REEP5: variants seen among roughly 807,000 people sequenced by gnomAD.
The protein encoded by REEP5 is receptor accessory protein 5.
Under a neutral mutation model 22.4 loss-of-function variants are expected in REEP5, and 24 were observed. That is an observed-to-expected ratio of 1.07 (90% CI 0.78 to 1.51). REEP5 has a LOEUF of 1.51. REEP5 is among the 40% of genes most tolerant of loss of function. The pLI, the probability that REEP5 is intolerant of heterozygous loss-of-function variation, is 0.00. For synonymous variants in REEP5, 103 were observed against 88.6 expected, an observed-to-expected ratio of 1.16 and a Z score of -0.92; for missense variants, 252 against 233.0, an observed-to-expected ratio of 1.08 and a Z score of -0.53.
chr5:112,897,350 ATCACACACACACACACACACACAC>A (rs1251970283), intron 3 of REEP5: 4 of 129,446 alleles, frequency 3.1e-5, no homozygotes, highest in African/African-American at 7.7e-5. Flanking sequence ...AACACATCCC[ATCACACACACACACACACACACAC>A]ACACACACAC....
intron 2 of REEP5, among the ~76,000 whole-genome samples, chr5:112,913,442 G>A (rs895244449): frequency 6.6e-6 from 1 of 150,852 alleles, no homozygotes; most frequent in African/African-American, 2.4e-5. Flanking sequence ...AGAGGCAGTG[G>A]AGTGAGAATA....
chr5:112,892,426 G>C, intron 3 of REEP5: 1 of 1,614,078 alleles, frequency 6.2e-7, no homozygotes, highest in Non-Finnish European at 8.5e-7. Flanking sequence ...TCAGTTCAAG[G>C]TCAGCTGCAA....
At chr5:112,884,494 C>T (rs1407601161) in intron 4 of REEP5, among the ~76,000 whole-genome samples, 2 of 151,044 alleles carry the variant, frequency 1.3e-5, no homozygotes, top group Non-Finnish European at 2.9e-5. Context: ...CCTCCTGCCT[C>T]AGCCTCCTGA....
At chr5:112,879,930 T>A (rs1474378259) in intron 4 of REEP5, among the ~76,000 whole-genome samples, 2 of 151,956 alleles carry the variant, frequency 1.3e-5, no homozygotes, top group African/African-American at 2.4e-5. Context: ...ACCTCTATTT[T>A]AAAAAAATTT....
chr5:112,901,270 A>G (rs745643510), intron 3 of REEP5, among the ~76,000 whole-genome samples: 4 of 152,226 alleles, frequency 2.6e-5, no homozygotes, highest in African/African-American at 4.8e-5. Flanking sequence ...AGAAAATATT[A>G]GCAATATGAA....
At chr5:112,899,537 A>G (rs1454689243) in intron 3 of REEP5, among the ~76,000 whole-genome samples, 1 of 152,224 alleles carries the variant, frequency 6.6e-6, no homozygotes, top group Non-Finnish European at 1.5e-5. Flanking sequence ...TGGATATACT[A>G]TTAATTGAAT....
intron 3 of REEP5, among the ~76,000 whole-genome samples, chr5:112,890,156 T>C (rs1768390631): frequency 6.7e-6 from 1 of 150,130 alleles, no homozygotes; most frequent in Non-Finnish European, 1.5e-5. Flanking sequence ...TTAGCCAGGC[T>C]TGGTGATGTA....
chr5:112,910,522 T>G (rs188982859), intron 2 of REEP5, among the ~76,000 whole-genome samples: 2 of 152,362 alleles, frequency 1.3e-5, no homozygotes, highest in East Asian at 3.9e-4. Flanking sequence ...TACCAGATTT[T>G]TAAAACTATT....
chr5:112,895,248 A>AAAAAAAAAAAAAAAAAAC (rs1768647035), intron 3 of REEP5: 1 of 147,100 alleles, frequency 6.8e-6, no homozygotes, highest in Non-Finnish European at 1.5e-5. Flanking sequence ...AAAAAAAAAA[A>AAAAAAAAAAAAAAAAAAC]AAAAAAAAAA....
chr5:112,885,577 G>T, intron 4 of REEP5: 1 of 257,240 alleles, frequency 3.9e-6, no homozygotes, highest in South Asian at 6.2e-5. Flanking sequence ...TATCCTGTTG[G>T]GCATTCTGGA....
At chr5:112,917,810 T>G (rs1030053307) in intron 2 of REEP5, among the ~76,000 whole-genome samples, 11 of 152,154 alleles carry the variant, frequency 7.2e-5, no homozygotes, top group Non-Finnish European at 1.3e-4. Flanking sequence ...GGCAAACTCA[T>G]AGAAACAGAA....
chr5:112,917,436 A>C (rs153561), intron 2 of REEP5, among the ~76,000 whole-genome samples: 3 of 152,064 alleles, frequency 2.0e-5, no homozygotes. Flanking sequence ...GTGGCAGCCC[A>C]AGTCTTAAGG....
At position 112,892,238 on chromosome 5, in the gene REEP5, C is replaced by T. The variant is rs1444741251; in HGVS notation, c.352-5055G>A. On this transcript the variant is annotated intron_variant, in intron 3 of 4. Transcript: ENST00000379638. Reference sequence around the variant, plus strand: ...TGTTCACGTAAACATAATTTCCCAACATCTAGTCCTACCCTTCTTATTAAG... The same window carrying T: ...TGTTCACGTAAACATAATTTCCCAATATCTAGTCCTACCCTTCTTATTAAG... 3 of 1,614,012 alleles carry T rather than the reference C, an allele frequency of 1.9e-6. No individual in the cohort carries two copies. The East Asian group carries it at 6.7e-5, about 36-fold the overall frequency.
intron 2 of REEP5, among the ~76,000 whole-genome samples, chr5:112,902,852 G>T (rs1296850354): frequency 6.6e-6 from 1 of 152,168 alleles, no homozygotes; most frequent in African/African-American, 2.4e-5. Flanking sequence ...CCCAAGCTGG[G>T]TCCTGCCACG....
chr5:112,905,124 AACAATC>A (rs1218761818), intron 2 of REEP5, among the ~76,000 whole-genome samples: 1 of 152,202 alleles, frequency 6.6e-6, no homozygotes, highest in Non-Finnish European at 1.5e-5. Flanking sequence ...TATGTGTCAT[AACAATC>A]ACAAACTACC....
At chr5:112,886,689 CA>C (rs1415202126) in intron 4 of REEP5, among the ~76,000 whole-genome samples, 1 of 152,074 alleles carries the variant, frequency 6.6e-6, no homozygotes, top group African/African-American at 2.4e-5. Flanking sequence ...AAGTATAATA[CA>C]AAAAAATTAA....
At chr5:112,913,224 G>A (rs1710116545) in intron 2 of REEP5, among the ~76,000 whole-genome samples, 1 of 152,044 alleles carries the variant, frequency 6.6e-6, no homozygotes, top group African/African-American at 2.4e-5. Context: ...GAACCCGGGA[G>A]GTGGAGGCTG....
rs745340401 is a variant in REEP5, at chr5:112,887,154, C to T, written c.381G>A (p.Pro127=). The part of the protein sequence containing the change: ...KCGFLLWCMA[P]SPSNGAELLY... ...GCAGTTCAGCCCCATTAGAAGGGCT[C>T]GGGGCCATGCACCACAACAGGAAGC... Residue 127 remains proline, a synonymous_variant, in exon 4 of 5, where the codon CCG becomes CCA. Coordinates refer to ENST00000379638, the MANE Select transcript of REEP5 (RefSeq NM_005669.5). 2.0e-5 allele frequency: 32 copies of T among 1,607,760 alleles called. No individual in the cohort carries two copies. The East Asian group carries it at 2.2e-4, about 11-fold the overall frequency.
chr5:112,921,932 G>T, intron 1 of REEP5, 141 bp downstream of exon 1: 2 of 1,110,412 alleles, frequency 1.8e-6, no homozygotes, highest in Non-Finnish European at 2.4e-6. Context: ...CGGGAGGCCA[G>T]CCTGATCCCT....
Sources: gnomAD v4.1 joint callset for allele counts (sites outside exome capture counted in the v4.1 genomes callset) on GRCh38, gnomAD v4.1.1 for gene constraint, MANE v1.5 for transcripts, NCBI Gene and HGNC (gene_info 2026-07-23, HGNC 2026-07-21) for gene names.